Variants in RIN2 observed in about 807,000 individuals in gnomAD.
RIN2 encodes Ras and Rab interactor 2, also known as RAB5 interacting protein 2.
A neutral mutation model predicts 78.0 loss-of-function variants in RIN2; 36 were observed. The observed-to-expected ratio is 0.46, with a 90% CI of 0.35 to 0.61. The LOEUF (loss-of-function observed/expected upper bound fraction) is 0.61, where lower values mean the gene tolerates loss of function less well. Ranked by LOEUF, RIN2 falls within the 20% of genes least tolerant of loss-of-function variation. RIN2 has a pLI of 0.00. For synonymous variants in RIN2, 466 were observed against 466.8 expected, an observed-to-expected ratio of 1.00 and a Z score of 0.02; for missense variants, 1,087 against 1,159.7, an observed-to-expected ratio of 0.94 and a Z score of 0.91.
chr20:19,992,338 A>AT (rs1358258522), intron 11 of RIN2, 39 bp downstream of exon 11: 29 of 1,509,098 alleles, frequency 1.9e-5, no homozygotes, highest in Non-Finnish European at 2.5e-5. Flanking sequence ...ACTGGGTGCT[A>AT]TTTTTTTCAT....
chr20:19,903,329 T>G (rs950762384), intron 3 of RIN2, among the ~76,000 whole-genome samples: 4 of 152,128 alleles, frequency 2.6e-5, no homozygotes, highest in South Asian at 4.2e-4. Context: ...ATTTCGTCGT[T>G]TTTGTGGTTT....
chr20:19,902,446 CACT>C (rs1266986241), intron 3 of RIN2, among the ~76,000 whole-genome samples: 1 of 152,212 alleles, frequency 6.6e-6, no homozygotes, highest in African/African-American at 2.4e-5. Context: ...GGCCACCCAC[CACT>C]ACCTCTTTCC....
intron 2 of RIN2, among the ~76,000 whole-genome samples, chr20:19,852,128 T>A (rs532298375): frequency 6.6e-5 from 10 of 152,230 alleles, no homozygotes; most frequent in Admixed American, 6.5e-4. Flanking sequence ...ATTTATTCTA[T>A]TGGGCAATGC....
chr20:19,898,242 A>G (rs889785105), intron 3 of RIN2, among the ~76,000 whole-genome samples: 3 of 152,196 alleles, frequency 2.0e-5, no homozygotes, highest in Admixed American at 6.5e-5. Context: ...TGTCGTTCCA[A>G]CACATGCTCA....
At chr20:19,935,265 G>A in intron 4 of RIN2, 66 bp downstream of exon 4, 1 of 1,415,606 alleles carries the variant, frequency 7.1e-7, no homozygotes, top group East Asian at 2.5e-5. Flanking sequence ...GCACTGCCAA[G>A]GGCTGACTTG....
At chr20:19,985,193 C>A (rs1417737215) in intron 9 of RIN2, among the ~76,000 whole-genome samples, 2 of 152,222 alleles carry the variant, frequency 1.3e-5, no homozygotes, top group East Asian at 3.9e-4. Flanking sequence ...CCTTGTCTAT[C>A]TCCAGCCTCT....
chr20:19,845,125 G>A (rs112043971), intron 2 of RIN2, among the ~76,000 whole-genome samples: 2 of 152,082 alleles, frequency 1.3e-5, no homozygotes, highest in Admixed American at 1.3e-4. Flanking sequence ...TCTTTATCCA[G>A]TCTATCATTG....
intron 1 of RIN2, among the ~76,000 whole-genome samples, chr20:19,774,213 A>G (rs1297870588): frequency 6.6e-6 from 1 of 152,172 alleles, no homozygotes; most frequent in Non-Finnish European, 1.5e-5. Flanking sequence ...ATATGAATGT[A>G]TCTCACCTAT....
chr20:19,968,834 A>G (rs2042017234), intron 7 of RIN2, among the ~76,000 whole-genome samples: 1 of 152,162 alleles, frequency 6.6e-6, no homozygotes, highest in Admixed American at 6.5e-5. Flanking sequence ...TGTGGTTCCC[A>G]TTAATCTTCA....
intron 2 of RIN2, chr20:19,823,508 G>A (rs1011240850): frequency 6.2e-6 from 6 of 967,506 alleles, no homozygotes; most frequent in African/African-American, 3.2e-5. Context: ...TGAGGGTGGC[G>A]GCCATCAACA....
rs752652400 is a variant in RIN2 at position 19,992,148 on chromosome 20, CCTT to C, written c.2069-17_2069-15del. ...AAAAGTTGGTAAAAATATTCCATCT[CCTT>C]CTCTTCCTGCTCTCAGGGAGGATGT... On this transcript the variant is annotated splice_polypyrimidine_tract_variant and intron_variant, in intron 10 of 12. Coordinates refer to ENST00000255006, the MANE Select transcript of RIN2 (RefSeq NM_018993.4). 233 of 1,608,382 alleles carry C rather than the reference CCTT, an allele frequency of 1.4e-4. No homozygotes were observed. Among genetic ancestry groups the C allele is most frequent in the Non-Finnish European group, 1.9e-4 (218 of 1,177,720 alleles).
intron 2 of RIN2, among the ~76,000 whole-genome samples, chr20:19,883,093 G>A (rs1177184331): frequency 2.0e-5 from 3 of 152,056 alleles, no homozygotes; most frequent in African/African-American, 2.4e-5. Flanking sequence ...ATGACCTTGC[G>A]GGTAGCCAAG....
chr20:19,798,056 T>G (rs1325366096), intron 1 of RIN2, among the ~76,000 whole-genome samples: 1 of 151,866 alleles, frequency 6.6e-6, no homozygotes, highest in Non-Finnish European at 1.5e-5. Context: ...TTTCACTGTG[T>G]TAGCCAGGAT....
In RIN2 at chr20:19,889,618, T is replaced by C. The variant is rs1307477995; in HGVS notation, c.17T>C (p.Met6Thr). The C allele has an allele frequency of 6.4e-6, 10 of 1,551,834 alleles. No homozygotes were observed. Among genetic ancestry groups the C allele is most frequent in the Admixed American group, 2.0e-5 (1 of 51,068 alleles). ...CTGGGGGAAATGACAGCTTGGACCATGGGCGCCCGCGGTCTGGACAAGCGA... is the reference window on the plus strand; with the variant it reads ...CTGGGGGAAATGACAGCTTGGACCACGGGCGCCCGCGGTCTGGACAAGCGA... MTAWT[M>T]GARGLDKRGS... The change falls in exon 3 of 13, where the codon ATG becomes ACG. Residue 6 changes from methionine to threonine, a missense_variant. Physicochemically the swap from Met to Thr is moderately conservative, Grantham distance 81. This residue lies in a region of RIN2 where 706 missense variants were observed against 667.5 expected (regional missense o/e 1.06). Transcript: ENST00000255006.
rs1259831179 is a variant in RIN2 at position 19,956,631 on chromosome 20, G to A, written c.175G>A (p.Asp59Asn). Reference sequence around the variant, plus strand: ...TTCTCCTAGCATGGTAAGACACAAGGATGGTGGCTATTCCGAGGAAGAGGA... The same window carrying A: ...TTCTCCTAGCATGGTAAGACACAAGAATGGTGGCTATTCCGAGGAAGAGGA... ...AETHSMVRHK[D>N]GGYSEEEDVK... Residue 59 changes from aspartate (D) to asparagine (N), a missense_variant, in exon 5 of 13, where the codon GAT (aspartate) becomes AAT (asparagine). Physicochemically the swap from Asp to Asn is conservative, Grantham distance 23. Transcript: ENST00000255006. The A allele has an allele frequency of 2.5e-6, 4 of 1,613,242 alleles. No individual in the cohort carries two copies. The highest frequency in any genetic ancestry group is 3.4e-6 in the Non-Finnish European group (4 of 1,179,666).
intron 2 of RIN2, among the ~76,000 whole-genome samples, chr20:19,878,543 G>A (rs1053929857): frequency 5.9e-5 from 9 of 152,142 alleles, no homozygotes; most frequent in Admixed American, 3.3e-4. Context: ...AGGCACATTT[G>A]TCGTGGTAGG....
chr20:19,940,971 A>G (rs573958898), intron 4 of RIN2, among the ~76,000 whole-genome samples: 1 of 152,262 alleles, frequency 6.6e-6, no homozygotes, highest in Non-Finnish European at 1.5e-5. Flanking sequence ...GTCAGTGAGA[A>G]CTGCAGCTCA....
intron 12 of RIN2, among the ~76,000 whole-genome samples, chr20:19,997,494 C>T (rs1248395227): frequency 6.6e-6 from 1 of 152,186 alleles, no homozygotes; most frequent in African/African-American, 2.4e-5. Context: ...CATCAGGGCT[C>T]ACGCCTGTAA....
chr20:19,781,140 A>G (rs1480624909), intron 1 of RIN2, among the ~76,000 whole-genome samples: 1 of 152,120 alleles, frequency 6.6e-6, no homozygotes, highest in East Asian at 1.9e-4. Context: ...AAGGCTGGAG[A>G]CACGTGACCT....
Sources: allele counts gnomAD v4.1 joint callset (sites outside exome capture counted in the v4.1 genomes callset), GRCh38; gene constraint gnomAD v4.1.1; regional missense constraint gnomAD v4.1.1; transcripts MANE v1.5; gene names NCBI Gene and HGNC (gene_info 2026-07-23, HGNC 2026-07-21).